Variants in CHAF1A observed in about 807,000 individuals in gnomAD.
CHAF1A encodes CAF-1 subunit A.
Under a neutral mutation model 93.2 loss-of-function variants are expected in CHAF1A, and 5 were observed. That is an observed-to-expected ratio of 0.05 (90% confidence interval 0.03 to 0.11). The LOEUF (loss-of-function observed/expected upper bound fraction) is 0.11, where lower values mean the gene tolerates loss of function less well. CHAF1A is among the 10% of genes least tolerant of loss of function. The pLI is 1.00. For synonymous variants in CHAF1A, 504 were observed against 510.3 expected, an observed-to-expected ratio of 0.99 and a Z score of 0.17; for missense variants, 1,102 against 1,259.9, an observed-to-expected ratio of 0.87 and a Z score of 1.90.
In CHAF1A at chr19:4,430,681, T is replaced by G. The variant is rs762906750; in HGVS notation, c.1947+40T>G. 5.0e-6 allele frequency: 8 copies of G among 1,609,570 alleles called. No homozygotes were observed. In the Admixed American group the frequency reaches 1.0e-4, roughly 20 times the overall value. Reference sequence around the variant, plus strand: ...GGGGAGGTCACCGGCTCAGCAAAAGTTCATTTCTGGACTGGTGCTCAGTGG... The same window carrying G: ...GGGGAGGTCACCGGCTCAGCAAAAGGTCATTTCTGGACTGGTGCTCAGTGG... On this transcript the variant is annotated intron_variant, in intron 11 of 14. Transcript: ENST00000301280.
At chr19:4,427,742 C>T (rs1283601603) in intron 7 of CHAF1A, among the ~76,000 whole-genome samples, 4 of 152,220 alleles carry the variant, frequency 2.6e-5, no homozygotes, top group African/African-American at 9.7e-5. Flanking sequence ...TGCATGCCAC[C>T]GTGCCCGGCT....
In CHAF1A at chr19:4,429,543, C is replaced by T; in HGVS notation, c.1710C>T (p.Tyr570=). The part of the protein sequence containing the change: ...LQFCENHRPA[Y]WGTWNKKTAL... ...TCTGTGAGAACCACCGGCCTGCCTA[C>T]TGGGGTACCTGGAATAAGAAGACGG... The change falls in exon 9 of 15, where the codon TAC becomes TAT. Residue 570 remains tyrosine, a synonymous_variant. Transcript: ENST00000301280. 2 of 1,614,052 alleles carry T rather than the reference C, an allele frequency of 1.2e-6. No homozygotes were observed. The highest frequency in any genetic ancestry group is 1.3e-5 in the African/African-American group (1 of 75,006).
intron 3 of CHAF1A, among the ~76,000 whole-genome samples, chr19:4,416,336 T>C (rs534975992): frequency 2.2e-4 from 34 of 152,342 alleles, no homozygotes; most frequent in African/African-American, 7.9e-4. Flanking sequence ...CCCATTGCTC[T>C]TCACTTCTAC....
intron 6 of CHAF1A, 123 bp downstream of exon 6, chr19:4,423,518 G>A (rs565492417): frequency 2.9e-5 from 44 of 1,510,948 alleles, no homozygotes; most frequent in East Asian, 4.6e-5. Flanking sequence ...AATGGCGCCC[G>A]CAGGGAGGGC....
chr19:4,403,853 C>T (rs1973633029), intron 1 of CHAF1A, among the ~76,000 whole-genome samples: 1 of 152,140 alleles, frequency 6.6e-6, no homozygotes, highest in Admixed American at 6.6e-5. Flanking sequence ...GGATGTTTAA[C>T]TTTATTTATT....
downstream of CHAF1A, chr19:4,446,066 A>G (rs1599672027): frequency 1.2e-6 from 2 of 1,612,390 alleles, no homozygotes; most frequent in East Asian, 4.5e-5. Context: ...CACTCGTTCA[A>G]GGCCAGGTTC....
intron 10 of CHAF1A, chr19:4,430,061 G>A: frequency 4.4e-6 from 2 of 450,630 alleles, no homozygotes; most frequent in Admixed American, 4.0e-5. Context: ...CTTGCCTCCT[G>A]CGGGCCTGCT....
downstream of CHAF1A, chr19:4,447,667 G>A (rs771290724): frequency 1.2e-6 from 2 of 1,601,090 alleles, no homozygotes; most frequent in Non-Finnish European, 1.7e-6. Flanking sequence ...AGCCCAGGCT[G>A]CCCACCCGGC....
chr19:4,435,690 A>G (rs1331056804), intron 13 of CHAF1A, among the ~76,000 whole-genome samples: 1 of 152,138 alleles, frequency 6.6e-6, no homozygotes. Context: ...GATTTCTAAT[A>G]TCTACACTTA....
intron 13 of CHAF1A, among the ~76,000 whole-genome samples, chr19:4,440,950 C>G (rs1164746388): frequency 6.7e-6 from 1 of 150,314 alleles, no homozygotes; most frequent in South Asian, 2.1e-4. Flanking sequence ...AAACCCCCGT[C>G]TGTACTAAAA....
At chr19:4,438,875 G>A (rs1052888878) in intron 13 of CHAF1A, among the ~76,000 whole-genome samples, 1 of 152,056 alleles carries the variant, frequency 6.6e-6, no homozygotes, top group East Asian at 1.9e-4. Flanking sequence ...CCAGCTACTC[G>A]GGAGGCTGAG....
rs772249321 is a variant in CHAF1A, at chr19:4,423,864, A to G, written c.1367A>G (p.Gln456Arg). The change falls in exon 7 of 15, where the codon CAG (glutamine) becomes CGG (arginine). Residue 456 changes from glutamine to arginine, a missense_variant. Gln to Arg is a conservative substitution (Grantham distance 43, BLOSUM62 1). This residue lies in a region of CHAF1A where 165 missense variants were observed against 243.9 expected (regional missense o/e 0.68). Coordinates refer to ENST00000301280, the MANE Select transcript of CHAF1A (RefSeq NM_005483.3). ...TRFFQKPKTP[Q>R]APKTLAGSCG... ...TTCTTCCAGAAACCAAAGACTCCAC[A>G]GGCCCCCAAGGTGAGCAGCCGGCTG... 3 of 1,614,016 alleles carry G rather than the reference A, an allele frequency of 1.9e-6. No individual in the cohort carries two copies. Among genetic ancestry groups the G allele is most frequent in the Non-Finnish European group, 2.5e-6 (3 of 1,179,904 alleles).
Position 4,422,310 on chromosome 19 carries a change from A to G in CHAF1A, c.1018-256A>G, listed in dbSNP as rs1162706829. Among the ~76,000 whole-genome samples, 1 of 151,468 alleles carries G rather than the reference A, an allele frequency of 6.6e-6. No homozygotes were observed. Among genetic ancestry groups the G allele is most frequent in the Non-Finnish European group, 1.5e-5 (1 of 67,988 alleles). ...ATTACAGGCGTGAACCACCGCGCGC[A>G]GCCAATTTTTGTATTTTTAGTAGAG... On this transcript the variant is annotated intron_variant, in intron 4 of 14. Transcript: ENST00000301280. This position sits in a 1 kb window ranked among gnomAD's most constrained non-coding sequence, Gnocchi z 4.6.
At chr19:4,434,366 GCA>G (rs763252495) in intron 13 of CHAF1A, among the ~76,000 whole-genome samples, 8 of 152,084 alleles carry the variant, frequency 5.3e-5, no homozygotes, top group Non-Finnish European at 1.2e-4. Context: ...TACATAAAAC[GCA>G]CCTTCGTTGA....
downstream of CHAF1A, chr19:4,446,002 C>A: frequency 1.3e-6 from 2 of 1,556,012 alleles, no homozygotes; most frequent in Non-Finnish European, 8.7e-7. Context: ...CCCAGGAGAA[C>A]CTGCAGAGGC....
chr19:4,428,636 A>T, intron 7 of CHAF1A, 28 bp from the exon 8 acceptor site: 1 of 1,590,854 alleles, frequency 6.3e-7, no homozygotes, highest in Non-Finnish European at 8.6e-7. Context: ...TTGCTCGAAG[A>T]CCCCATCGGG....
chr19:4,447,540 G>A (rs371133685), downstream of CHAF1A: 14 of 1,613,110 alleles, frequency 8.7e-6, no homozygotes, highest in African/African-American at 1.7e-4. Flanking sequence ...GGGCCAGAAG[G>A]CACGCCCACC....
chr19:4,409,538 G>C lies in CHAF1A; in HGVS notation c.739G>C (p.Ala247Pro), dbSNP rs779078357. The change falls in exon 3 of 15, where the codon GCT becomes CCT. Residue 247 changes from alanine (A) to proline (P), a missense_variant. This residue lies in a region of CHAF1A where 379 missense variants were observed against 365.7 expected (regional missense o/e 1.04). Transcript: ENST00000301280. ...VPMVVLQDIL[A>P]VRPPQIKSLP... ...TATGGTGGTCTTGCAGGACATCTTGGCTGTGAGACCACCGCAAATCAAGTC... is the reference window on the plus strand; with the variant it reads ...TATGGTGGTCTTGCAGGACATCTTGCCTGTGAGACCACCGCAAATCAAGTC... The C allele has an allele frequency of 6.2e-6, 10 of 1,613,866 alleles. No homozygotes were observed. In the African/African-American group the frequency reaches 9.4e-5, roughly 15 times the overall value.
chr19:4,415,192 T>C (rs187830474), intron 3 of CHAF1A, among the ~76,000 whole-genome samples: 259 of 152,258 alleles, frequency 1.7e-3, no homozygotes, highest in African/African-American at 6.0e-3. Context: ...GTGAGATCTA[T>C]AAACACTTGG....
Sources: gnomAD v4.1 joint callset for allele counts (sites outside exome capture counted in the v4.1 genomes callset) on GRCh38, gnomAD v4.1.1 for gene constraint, gnomAD v4.1.1 regional missense constraint, Gnocchi (gnomAD v3.1) non-coding constraint, MANE v1.5 for transcripts, NCBI Gene and HGNC (gene_info 2026-07-23, HGNC 2026-07-21) for gene names.